Variants in ZNF664 observed in about 807,000 individuals in gnomAD.
ZNF664 encodes zinc finger protein 664, also known as zinc finger Organ of Corti 1.
Under a neutral mutation model 18.2 loss-of-function variants are expected in ZNF664, and 10 were observed. That is an observed-to-expected ratio of 0.55 (90% CI 0.34 to 0.93). The LOEUF (loss-of-function observed/expected upper bound fraction) is 0.93, where lower values mean the gene tolerates loss of function less well. Ranked by LOEUF, ZNF664 falls within the 40% of genes least tolerant of loss-of-function variation. The probability of loss-of-function intolerance (pLI) is 0.02; values close to 1 mark genes in which losing one functional copy is unlikely to be tolerated. For synonymous variants in ZNF664, 119 were observed against 104.2 expected (o/e 1.14, Z -0.86); for missense variants, 193 against 319.0 (o/e 0.61, Z 3.01).
chr12:124,012,943 A>G lies in ZNF664; in HGVS notation c.*13A>G, dbSNP rs1369240717. 3 of 1,609,550 alleles carry G rather than the reference A, an allele frequency of 1.9e-6. No homozygotes were observed. In the Middle Eastern group the frequency reaches 5.0e-4, roughly 268 times the overall value. On this transcript the variant is annotated 3_prime_UTR_variant, in exon 5 of 5. Transcript: ENST00000337815. ...ATCAGTTATATAAAACGTTTTGCTAAGAGTTTAAAATCTTAAAACCCATAA... is the reference window on the plus strand; with the variant it reads ...ATCAGTTATATAAAACGTTTTGCTAGGAGTTTAAAATCTTAAAACCCATAA...
At chr12:123,979,579 T>C (rs1162774507) in intron 2 of ZNF664, among the ~76,000 whole-genome samples, 3 of 152,260 alleles carry the variant, frequency 2.0e-5, no homozygotes, top group Non-Finnish European at 1.5e-5. Context: ...ACAATGTCTA[T>C]TGCAGCGTCA....
intron 2 of ZNF664, among the ~76,000 whole-genome samples, chr12:123,982,564 A>G (rs1035298404): frequency 2.0e-5 from 3 of 152,220 alleles, no homozygotes; most frequent in Non-Finnish European, 4.4e-5. Context: ...CAGTCTTTCC[A>G]CTTCCCACTT....
At chr12:123,984,499 A>C (rs917090857) in intron 2 of ZNF664, among the ~76,000 whole-genome samples, 2 of 152,064 alleles carry the variant, frequency 1.3e-5, no homozygotes, top group Non-Finnish European at 2.9e-5. Flanking sequence ...TAGCTAGAGA[A>C]GGCCTGGGAT....
chr12:123,999,387 C>CA (rs1358895995), intron 3 of ZNF664, among the ~76,000 whole-genome samples: 1 of 152,164 alleles, frequency 6.6e-6, no homozygotes. Context: ...ATTTTACTGT[C>CA]AGAGTCTGCT....
At chr12:123,974,843 C>T (rs1956668173) in intron 2 of ZNF664, among the ~76,000 whole-genome samples, 2 of 152,186 alleles carry the variant, frequency 1.3e-5, no homozygotes. Context: ...TTAGCCATTT[C>T]CCAAATTGAT....
At chr12:123,993,352 C>T (rs1956910273) in intron 3 of ZNF664, among the ~76,000 whole-genome samples, 1 of 152,166 alleles carries the variant, frequency 6.6e-6, no homozygotes, top group Non-Finnish European at 1.5e-5. Context: ...AATTTCAGAA[C>T]TATTGATGAT....
intron 2 of ZNF664, among the ~76,000 whole-genome samples, chr12:123,983,104 G>A (rs1466409269): frequency 6.6e-6 from 1 of 152,072 alleles, no homozygotes; most frequent in African/African-American, 2.4e-5. Flanking sequence ...CCATGATCAC[G>A]CCACTGTACT....
intron 2 of ZNF664, among the ~76,000 whole-genome samples, chr12:123,975,374 A>ATTTT (rs1956676507): frequency 6.6e-6 from 1 of 150,994 alleles, no homozygotes; most frequent in South Asian, 2.1e-4. Flanking sequence ...TCTTAACAAT[A>ATTTT]TTTTGCAAAG....
intron 3 of ZNF664, among the ~76,000 whole-genome samples, chr12:123,990,136 A>G (rs887080719): frequency 6.6e-6 from 1 of 152,200 alleles, no homozygotes; most frequent in Admixed American, 6.5e-5. Context: ...GGGGAGAGGT[A>G]AAAGGGGAGT....
chr12:123,976,756 A>G (rs1302158141), intron 2 of ZNF664, among the ~76,000 whole-genome samples: 1 of 151,900 alleles, frequency 6.6e-6, no homozygotes, highest in East Asian at 1.9e-4. Context: ...TCACGTTACC[A>G]GCTACACTAA....
chr12:124,012,711 C>T lies in ZNF664; in HGVS notation c.567C>T (p.His189=), dbSNP rs1957147169. The T allele has an allele frequency of 6.2e-7, 1 of 1,613,386 alleles. No homozygotes were observed. The highest frequency in any genetic ancestry group is 8.5e-7 in the Non-Finnish European group (1 of 1,179,856). The change falls in exon 5 of 5, where the codon CAC becomes CAT. Residue 189 remains histidine (H), a synonymous_variant. Coordinates refer to ENST00000337815, the MANE Select transcript of ZNF664 (RefSeq NM_152437.3). Reference sequence around the variant, plus strand: ...GTCAGAGTTCGAGCCTCTGCATCCACCAGAGAGTCCACACTGGAGAGAAAC... The same window carrying T: ...GTCAGAGTTCGAGCCTCTGCATCCATCAGAGAGTCCACACTGGAGAGAAAC... ...AFSQSSSLCI[H]QRVHTGEKPY...
intron 2 of ZNF664, among the ~76,000 whole-genome samples, chr12:123,984,326 G>A (rs150328291): frequency 6.6e-6 from 1 of 152,202 alleles, no homozygotes; most frequent in East Asian, 1.9e-4. Context: ...AGAACAAAAA[G>A]TGCCCTTGGA....
chr12:123,984,024 A>T (rs1032819798), intron 2 of ZNF664, among the ~76,000 whole-genome samples: 2 of 152,148 alleles, frequency 1.3e-5, no homozygotes, highest in Non-Finnish European at 2.9e-5. Context: ...GAGGTTTCTG[A>T]GCAGGTGTTT....
intron 2 of ZNF664, among the ~76,000 whole-genome samples, chr12:123,980,180 C>T (rs1301492772): frequency 6.6e-6 from 1 of 152,102 alleles, no homozygotes; most frequent in African/African-American, 2.4e-5. Context: ...TACCTGAAAA[C>T]ATTTAATTCT....
chr12:123,979,813 C>CCACA (rs61089265), intron 2 of ZNF664, among the ~76,000 whole-genome samples: 9 of 149,344 alleles, frequency 6.0e-5, no homozygotes, highest in African/African-American at 1.2e-4. Flanking sequence ...GTAGCTGGGA[C>CCACA]CACACACACA....
intron 2 of ZNF664, 154 bp from the exon 3 acceptor site, chr12:123,987,888 TC>T: frequency 1.1e-6 from 1 of 898,554 alleles, no homozygotes; most frequent in Non-Finnish European, 1.3e-6. Flanking sequence ...ATGCCTTGAA[TC>T]CCATATATTT....
chr12:123,996,248 T>G (rs1038394296), intron 3 of ZNF664, among the ~76,000 whole-genome samples: 1 of 152,230 alleles, frequency 6.6e-6, no homozygotes, highest in South Asian at 2.1e-4. Context: ...GTCTTGGGGT[T>G]GAACAACTTG....
At chr12:124,006,412 T>C (rs2138443119) in intron 3 of ZNF664, among the ~76,000 whole-genome samples, 1 of 152,314 alleles carries the variant, frequency 6.6e-6, no homozygotes, top group East Asian at 1.9e-4. Flanking sequence ...TCCCAGCCTG[T>C]TAGTCCTGTA....
intron 3 of ZNF664, among the ~76,000 whole-genome samples, chr12:124,000,982 C>T (rs1369452099): frequency 1.3e-5 from 2 of 152,270 alleles, no homozygotes; most frequent in East Asian, 1.9e-4. Flanking sequence ...TCCTTGACAT[C>T]GACTTTTGGA....
Sources: gnomAD v4.1 joint callset for allele counts (sites outside exome capture counted in the v4.1 genomes callset) on GRCh38, gnomAD v4.1.1 for gene constraint, MANE v1.5 for transcripts, NCBI Gene and HGNC (gene_info 2026-07-23, HGNC 2026-07-21) for gene names.